The following HMCN1 variants were observed in gnomAD, a reference collection of about 807,000 sequenced individuals.
HMCN1 encodes the protein hemicentin 1.
In HMCN1, 321 loss-of-function variants were observed where a neutral mutation model predicts 625.9. The ratio of observed to expected loss-of-function variants is 0.51; its 90% confidence interval spans 0.47 to 0.56. The LOEUF is 0.56. HMCN1 is among the 20% of genes least tolerant of loss of function. HMCN1 has a pLI of 0.00. For missense variants in HMCN1, 6,588 were observed against 6,887.3 expected (o/e 0.96, Z 1.54); for synonymous variants, 2,425 against 2,417.6 (o/e 1.00, Z -0.09).
intron 15 of HMCN1, among the ~76,000 whole-genome samples, chr1:185,975,896 ACACACACACACG>A (rs767746451): frequency 2.4e-4 from 36 of 152,170 alleles, no homozygotes; most frequent in Middle Eastern, 6.8e-3. Flanking sequence ...AGACACACAC[ACACACACACACG>A]CACACACACA....
intron 9 of HMCN1, among the ~76,000 whole-genome samples, chr1:185,928,325 T>G (rs962407199): frequency 6.6e-6 from 1 of 152,150 alleles, no homozygotes; most frequent in African/African-American, 2.4e-5. Context: ...TCTCTATAAT[T>G]ATTGTTTATG....
In HMCN1 at chr1:186,171,009, C is replaced by T. The variant is rs187722151; in HGVS notation, c.15575-328C>T. Among the ~76,000 whole-genome samples, 85 of 152,282 alleles carry T rather than the reference C, an allele frequency of 5.6e-4. 1 individual carries two copies. The East Asian group carries it at 0.016, about 28-fold the overall frequency. On this transcript the variant is annotated intron_variant, in intron 100 of 106. Coordinates refer to ENST00000271588, the MANE Select transcript of HMCN1 (RefSeq NM_031935.3). ...AGTTTTTTCCCTCTGTCTTCAGCAT[C>T]CCAGTCTGTCAGTAACATTCCAGGA...
chr1:185,910,326 A>G (rs945610019), intron 5 of HMCN1, among the ~76,000 whole-genome samples: 1 of 152,154 alleles, frequency 6.6e-6, no homozygotes, highest in Non-Finnish European at 1.5e-5. Flanking sequence ...CAAGACAAAT[A>G]CAACGTCTTT....
chr1:185,864,470 G>A lies in HMCN1; in HGVS notation c.340G>A (p.Gly114Ser). The A allele has an allele frequency of 6.2e-7, 1 of 1,613,508 alleles. No homozygotes were observed. The highest frequency in any genetic ancestry group is 1.1e-5 in the South Asian group (1 of 91,066). Residue 114 changes from glycine to serine, a missense_variant and splice_region_variant, in exon 3 of 107, where the codon GGT (glycine) becomes AGT (serine). By Grantham distance (56) the Gly-to-Ser change is moderately conservative. Transcript: ENST00000271588. ...QYELRELYVQ[G>S]GGDCPEMSIG... ...TTGAATTTTTCTCTCCACTCAACAG[G>A]GTGGTGGTGATTGCCCAGAAATGAG...
intron 11 of HMCN1, among the ~76,000 whole-genome samples, chr1:185,942,945 C>T (rs1461532879): frequency 6.6e-6 from 1 of 151,516 alleles, no homozygotes; most frequent in African/African-American, 2.4e-5. Flanking sequence ...ATGGATACTG[C>T]AAGAGGGGGA....
chr1:185,825,751 G>A (rs13375391), intron 1 of HMCN1, among the ~76,000 whole-genome samples: 1,835 of 152,272 alleles, frequency 0.012, 41 homozygotes, highest in African/African-American at 0.042. Flanking sequence ...AAACCAAACA[G>A]CATATTGATT....
At chr1:186,143,647 T>C (rs1189030187) in intron 89 of HMCN1, among the ~76,000 whole-genome samples, 2 of 152,346 alleles carry the variant, frequency 1.3e-5, no homozygotes, top group East Asian at 1.9e-4. Context: ...GTGCAAATCA[T>C]CATGTTGTTG....
At chr1:186,044,996 G>T (rs4650693) in intron 40 of HMCN1, among the ~76,000 whole-genome samples, 97,879 of 151,908 alleles carry the variant, frequency 0.64, 33,497 homozygotes, top group African/African-American at 0.9. Flanking sequence ...GAATCCTAAT[G>T]TTAATCTCAT....
At chr1:185,855,510 A>G (rs946322370) in intron 2 of HMCN1, among the ~76,000 whole-genome samples, 2 of 151,532 alleles carry the variant, frequency 1.3e-5, no homozygotes, top group African/African-American at 4.9e-5. Flanking sequence ...GAATTATGAA[A>G]CTTTTGATTT....
chr1:185,803,317 C>G (rs1202624905), intron 1 of HMCN1, among the ~76,000 whole-genome samples: 1 of 146,304 alleles, frequency 6.8e-6, no homozygotes, highest in Non-Finnish European at 1.5e-5. Context: ...CCTTAATAAA[C>G]ACCTTAAATA....
Position 186,086,422 on chromosome 1 carries a change from A to C in HMCN1, c.9046+15A>C, listed in dbSNP as rs1278036858. 6.2e-7 allele frequency: 1 copy of C among 1,612,078 alleles called. No homozygotes were observed. Among genetic ancestry groups the C allele is most frequent in the Non-Finnish European group, 8.5e-7 (1 of 1,178,760 alleles). On this transcript the variant is annotated intron_variant, in intron 58 of 106. Coordinates refer to ENST00000271588, the MANE Select transcript of HMCN1 (RefSeq NM_031935.3). Reference sequence around the variant, plus strand: ...CATTGTGCCTGGTAAGGAACTTCTTATTATAAAGCAGGCAAAATTTTCTCA... The same window carrying C: ...CATTGTGCCTGGTAAGGAACTTCTTCTTATAAAGCAGGCAAAATTTTCTCA...
At chr1:185,910,921 T>G (rs16824741) in intron 5 of HMCN1, among the ~76,000 whole-genome samples, 10,933 of 152,222 alleles carry the variant, frequency 0.072, 1,343 homozygotes, top group African/African-American at 0.25. Context: ...AGTCAAGAGT[T>G]AAGTGAAAAA....
chr1:186,176,631 C>T (rs751178488), intron 103 of HMCN1, among the ~76,000 whole-genome samples: 14 of 152,178 alleles, frequency 9.2e-5, no homozygotes, highest in Non-Finnish European at 1.5e-4. Context: ...GAATACATTG[C>T]TAAACAGGGC....
intron 4 of HMCN1, among the ~76,000 whole-genome samples, chr1:185,904,168 A>G (rs949601425): frequency 2.0e-5 from 3 of 151,810 alleles, no homozygotes; most frequent in Middle Eastern, 3.2e-3. Flanking sequence ...TGGGTGCTCA[A>G]TAAATGCTTA....
chr1:186,062,867 A>G (rs974091812), intron 48 of HMCN1, among the ~76,000 whole-genome samples: 2 of 150,918 alleles, frequency 1.3e-5, no homozygotes, highest in Non-Finnish European at 2.9e-5. Flanking sequence ...TTCACTCTCT[A>G]TGTCCATTTG....
intron 98 of HMCN1, among the ~76,000 whole-genome samples, chr1:186,165,659 T>C (rs1027376813): frequency 6.6e-6 from 1 of 152,220 alleles, no homozygotes; most frequent in African/African-American, 2.4e-5. Flanking sequence ...GCTAAGTAAA[T>C]GGCTTGAGGA....
In HMCN1 at chr1:186,145,857, A is replaced by G. The variant is rs749381653; in HGVS notation, c.14542A>G (p.Lys4848Glu). ...GCTGTGCGACCATCCTGTGCCAGTTAAAGGTGGCCGTCCCTGTCCCGGAGA... is the reference window on the plus strand; with the variant it reads ...GCTGTGCGACCATCCTGTGCCAGTTGAAGGTGGCCGTCCCTGTCCCGGAGA... ...KRLCDHPVPV[K>E]GGRPCPGDTT... is the part of the protein sequence containing the mutation. Residue 4848 changes from lysine (K) to glutamate (E), a missense_variant, in exon 93 of 107, where the codon AAA becomes GAA. Lys to Glu is a moderately conservative substitution (Grantham distance 56, BLOSUM62 1). Around this residue, in one of 3 missense-constraint regions of HMCN1, gnomAD observed 1,954 missense variants for 2,013.1 expected, o/e 0.97. Coordinates refer to ENST00000271588, the MANE Select transcript of HMCN1 (RefSeq NM_031935.3). 1 of 1,614,048 alleles carries G rather than the reference A, an allele frequency of 6.2e-7. No individual in the cohort carries two copies. Among genetic ancestry groups the G allele is most frequent in the South Asian group, 1.1e-5 (1 of 91,088 alleles).
chr1:185,881,714 A>T (rs1664325031), intron 4 of HMCN1, among the ~76,000 whole-genome samples: 1 of 152,238 alleles, frequency 6.6e-6, no homozygotes, highest in South Asian at 2.1e-4. Flanking sequence ...AGAACAAGAC[A>T]TAATGCTGAA....
intron 40 of HMCN1, among the ~76,000 whole-genome samples, chr1:186,042,761 CTAT>C (rs200735799): frequency 5.9e-4 from 90 of 152,184 alleles, no homozygotes; most frequent in African/African-American, 2.0e-3. Context: ...TCTGTATTCA[CTAT>C]TATTATTATT....
Sources: gnomAD v4.1 joint callset for allele counts (sites outside exome capture counted in the v4.1 genomes callset) on GRCh38, gnomAD v4.1.1 for gene constraint, gnomAD v4.1.1 regional missense constraint, MANE v1.5 for transcripts, NCBI Gene and HGNC (gene_info 2026-07-23, HGNC 2026-07-21) for gene names.